Variants in TTK observed in about 807,000 individuals in gnomAD.
TTK encodes the protein dual specificity protein kinase TTK.
In TTK, 59 loss-of-function variants were observed where a neutral mutation model predicts 117.3. That is an observed-to-expected ratio of 0.50 (90% CI 0.41 to 0.62). The LOEUF (loss-of-function observed/expected upper bound fraction) is 0.62, where lower values mean the gene tolerates loss of function less well. TTK is among the 20% of genes least tolerant of loss of function. The pLI, the probability that TTK is intolerant of heterozygous loss-of-function variation, is 0.00. For synonymous variants in TTK, 302 were observed against 325.0 expected (o/e 0.93, Z 0.76); for missense variants, 921 against 989.4 (o/e 0.93, Z 0.93).
intron 16 of TTK, 54 bp from the exon 17 acceptor site, chr6:80,036,421 G>T: frequency 6.5e-7 from 1 of 1,527,946 alleles, no homozygotes; most frequent in Non-Finnish European, 8.8e-7. Context: ...TGAATTTTTT[G>T]GTCCTTAGAA....
intron 13 of TTK, among the ~76,000 whole-genome samples, chr6:80,029,799 G>T (rs143273564): frequency 6.6e-6 from 1 of 152,334 alleles, no homozygotes; most frequent in East Asian, 1.9e-4. Context: ...AGGGGGATGC[G>T]GGAAGTCCTG....
At position 80,006,656 on chromosome 6, in the gene TTK, C is replaced by T. The variant is rs955884555; in HGVS notation, c.139+674C>T. Among the ~76,000 whole-genome samples the T allele has an allele frequency of 4.6e-5, 7 of 152,178 alleles. No homozygotes were observed. In the East Asian group the frequency reaches 1.3e-3, roughly 29 times the overall value. On this transcript the variant is annotated intron_variant, in intron 2 of 21. Coordinates refer to ENST00000369798, the MANE Select transcript of TTK (RefSeq NM_003318.5). ...TCATAGGAATACTAGCATGATAAAA[C>T]ACAAATGTTTTATTTGTTGATTAGA...
intron 13 of TTK, 144 bp downstream of exon 13, chr6:80,028,155 A>T (rs1033306536): frequency 3.1e-5 from 27 of 874,634 alleles, no homozygotes; most frequent in Non-Finnish European, 4.3e-5. Flanking sequence ...CTGATATTCT[A>T]ATAAGAGTGT....
chr6:80,025,562 T>C (rs760955184), intron 11 of TTK, among the ~76,000 whole-genome samples: 11 of 152,206 alleles, frequency 7.2e-5, no homozygotes, highest in East Asian at 3.8e-4. Flanking sequence ...CTCTATTTAA[T>C]TGAGATGTGC....
intron 8 of TTK, 96 bp downstream of exon 8, chr6:80,012,076 A>C (rs1767175647): frequency 1.1e-6 from 1 of 937,316 alleles, no homozygotes; most frequent in Non-Finnish European, 1.5e-6. Context: ...AGTAATTATG[A>C]TTAAATTTTT....
intron 14 of TTK, among the ~76,000 whole-genome samples, chr6:80,034,135 C>T (rs574965843): frequency 3.4e-4 from 51 of 152,096 alleles, no homozygotes; most frequent in Middle Eastern, 3.4e-3. Context: ...AATCAAATGC[C>T]TCAAAGAAAG....
In TTK at chr6:80,035,394, C is replaced by A. The variant is rs201661746; in HGVS notation, c.1901C>A (p.Ala634Glu). ...AGTTACTGGAAAAATATGTTAGAGG[C>A]AGTTCACACAATCCATCAACATGGT... ...RKSYWKNMLEAVHTIHQHGIV... is the reference protein window; with the variant it reads ...RKSYWKNMLEEVHTIHQHGIV... The change falls in exon 16 of 22, where the codon GCA becomes GAA. Residue 634 changes from alanine (A) to glutamate (E), a missense_variant. Physicochemically the swap from Ala to Glu is moderately radical, Grantham distance 107. Coordinates refer to ENST00000369798, the MANE Select transcript of TTK (RefSeq NM_003318.5). 1 of 1,606,478 alleles carries A rather than the reference C, an allele frequency of 6.2e-7. No homozygotes were observed. Among genetic ancestry groups the A allele is most frequent in the Non-Finnish European group, 8.5e-7 (1 of 1,177,684 alleles).
rs183816412 is a variant in TTK, at chr6:80,034,434, T to C, written c.1615-551T>C. On this transcript the variant is annotated intron_variant, in intron 14 of 21. Transcript: ENST00000369798. ...CAAAAATTGCTAAATCTAGGCACAATAGAGAAAACAACATCTGTGAATTGA... is the reference window on the plus strand; with the variant it reads ...CAAAAATTGCTAAATCTAGGCACAACAGAGAAAACAACATCTGTGAATTGA... Among the ~76,000 whole-genome samples the C allele has an allele frequency of 3.9e-5, 6 of 152,296 alleles. No individual in the cohort carries two copies. The East Asian group carries it at 1.2e-3, about 29-fold the overall frequency.
At chr6:80,018,108 G>A (rs1048455117) in intron 10 of TTK, among the ~76,000 whole-genome samples, 3 of 151,608 alleles carry the variant, frequency 2.0e-5, no homozygotes, top group Admixed American at 2.0e-4. Context: ...CCAGGAGGTC[G>A]AGACTGCAAT....
chr6:80,013,572 C>A, intron 9 of TTK: 1 of 410,064 alleles, frequency 2.4e-6, no homozygotes, highest in Non-Finnish European at 4.3e-6. Flanking sequence ...GGTGGTAGAG[C>A]AAGGATCAAC....
rs769831285 is a variant in TTK at position 80,039,687 on chromosome 6, T to G, written c.2131-9T>G. ...GCAACTTTTTTGTGTTTGTTTGTTTTTTTCTTAGATAAGCCCCAAAAGTGA... is the reference window on the plus strand; with the variant it reads ...GCAACTTTTTTGTGTTTGTTTGTTTGTTTCTTAGATAAGCCCCAAAAGTGA... On this transcript the variant is annotated splice_polypyrimidine_tract_variant and intron_variant, in intron 18 of 21. Transcript: ENST00000369798. 65 of 1,488,108 alleles carry G rather than the reference T, an allele frequency of 4.4e-5. No individual in the cohort carries two copies. Among genetic ancestry groups the G allele is most frequent in the Admixed American group, 2.2e-4 (9 of 40,190 alleles). 92.2% of individuals were successfully genotyped at this position (1,488,108 alleles called of 1,614,324 possible). A position where few individuals can be genotyped will look rare whatever the true frequency, so the allele number is the denominator to read the frequency against.
chr6:80,014,984 G>A (rs1767268087), intron 10 of TTK, among the ~76,000 whole-genome samples: 1 of 152,136 alleles, frequency 6.6e-6, no homozygotes, highest in Middle Eastern at 3.2e-3. Flanking sequence ...AGTGTCCCAA[G>A]GAGGTTGCAG....
chr6:80,011,777 G>A lies in TTK; in HGVS notation c.777G>A (p.Leu259=). 1.2e-6 allele frequency: 2 copies of A among 1,612,790 alleles called. No homozygotes were observed. The highest frequency in any genetic ancestry group is 1.7e-6 in the Non-Finnish European group (2 of 1,179,168). Residue 259 remains leucine, a synonymous_variant, in exon 7 of 22, where the codon TTG becomes TTA. Coordinates refer to ENST00000369798, the MANE Select transcript of TTK (RefSeq NM_003318.5). ...QDAEIGYRNS[L]RQTNKTKQSC... ...CAGAAATAGGTTACCGGAATTCATT[G>A]AGACAAACTAACAAAACTAAACAGG...
At position 80,007,991 on chromosome 6, in the gene TTK, A is replaced by C; in HGVS notation, c.322A>C (p.Ser108Arg). 4.4e-6 allele frequency: 7 copies of C among 1,591,480 alleles called. No homozygotes were observed. The highest frequency in any genetic ancestry group is 4.3e-6 in the Non-Finnish European group (5 of 1,159,896). Residue 108 changes from serine (S) to arginine (R), a missense_variant, in exon 3 of 22, where the codon AGT (serine) becomes CGT (arginine). Coordinates refer to ENST00000369798, the MANE Select transcript of TTK (RefSeq NM_003318.5). Reference protein sequence around the residue: ...LPPDKYGQNESFARIQVRFAE... With the variant: ...LPPDKYGQNERFARIQVRFAE... ...CCCAGATAAATATGGCCAAAATGAG[A>C]GTTTTGCTAGAATTCAAGTGAGATT... is the stretch of plus-strand genomic sequence containing the variant.
rs1767170923 is a variant in TTK at position 80,011,948 on chromosome 6, A to G, written c.864A>G (p.Thr288=). ...ATAGCCCAGATTGTGATGTGAAGAC[A>G]GATGATTCAGTTGTACCTTGTTTTA... ...LLNSPDCDVK[T]DDSVVPCFMK... is the part of the protein sequence containing the mutation. The change falls in exon 8 of 22, where the codon ACA becomes ACG. Residue 288 remains threonine, a synonymous_variant. Transcript: ENST00000369798. 6.2e-7 allele frequency: 1 copy of G among 1,611,936 alleles called. No homozygotes were observed. The highest frequency in any genetic ancestry group is 8.5e-7 in the Non-Finnish European group (1 of 1,178,968).
intron 21 of TTK, among the ~76,000 whole-genome samples, chr6:80,041,000 T>C (rs1768035610): frequency 6.6e-6 from 1 of 151,816 alleles, no homozygotes; most frequent in Non-Finnish European, 1.5e-5. Flanking sequence ...GTCTTTTAAT[T>C]CAGCACCATT....
Position 80,014,631 on chromosome 6 carries a change from A to AC in TTK, c.1108+47dup, listed in dbSNP as rs1767256587. The AC allele has an allele frequency of 2.6e-6, 4 of 1,529,800 alleles. No homozygotes were observed. In the Admixed American group the frequency reaches 8.4e-5, roughly 32 times the overall value. 94.8% of individuals were successfully genotyped at this position (1,529,800 alleles called of 1,614,324 possible). A position where few individuals can be genotyped will look rare whatever the true frequency, so the allele number is the denominator to read the frequency against. On this transcript the variant is annotated intron_variant, in intron 10 of 21. Transcript: ENST00000369798. Reference sequence around the variant, plus strand: ...TAGACTTGTATGTTTAGTTAAGAAAACCACTTGATAGCTTAAGAAAGCAGA... The same window carrying AC: ...TAGACTTGTATGTTTAGTTAAGAAAACCCACTTGATAGCTTAAGAAAGCAGA...
At chr6:80,038,343 G>C (rs549186926) in intron 18 of TTK, among the ~76,000 whole-genome samples, 1 of 152,250 alleles carries the variant, frequency 6.6e-6, no homozygotes, top group South Asian at 2.1e-4. Flanking sequence ...CCTCATGGGT[G>C]CCCTTTGTCC....
chr6:80,008,628 A>G (rs239552), intron 4 of TTK, 136 bp downstream of exon 4: 382,556 of 646,728 alleles, frequency 0.59, 114,848 homozygotes, highest in Admixed American at 0.73. Context: ...GAATATGGGG[A>G]GAAAATGCCA....
Sources: allele counts gnomAD v4.1 joint callset (sites outside exome capture counted in the v4.1 genomes callset), GRCh38; gene constraint gnomAD v4.1.1; transcripts MANE v1.5; gene names NCBI Gene and HGNC (gene_info 2026-07-23, HGNC 2026-07-21).